The following NLGN1 variants were observed in gnomAD, a reference collection of about 807,000 sequenced individuals.
The protein encoded by NLGN1 is neuroligin-1.
Under a neutral mutation model 65.5 loss-of-function variants are expected in NLGN1, and 12 were observed. The ratio of observed to expected loss-of-function variants is 0.18; its 90% confidence interval spans 0.12 to 0.30. The LOEUF is 0.30. Among genes scored for constraint, NLGN1 ranks in the 10% least tolerant of loss-of-function variants. The pLI is 1.00. For synonymous variants in NLGN1, 350 were observed against 359.5 expected, an observed-to-expected ratio of 0.97 and a Z score of 0.30; for missense variants, 750 against 1,007.1, an observed-to-expected ratio of 0.74 and a Z score of 3.46.
intron 3 of NLGN1, among the ~76,000 whole-genome samples, chr3:173,740,619 TA>T: frequency 6.6e-6 from 1 of 150,406 alleles, no homozygotes; most frequent in East Asian, 2.0e-4. Flanking sequence ...AAGAAAGGAG[TA>T]AAAAAAATTA....
At chr3:173,972,106 G>A (rs1410065098) in intron 4 of NLGN1, among the ~76,000 whole-genome samples, 2 of 152,080 alleles carry the variant, frequency 1.3e-5, no homozygotes, top group Non-Finnish European at 2.9e-5. Context: ...GGGGCATAAA[G>A]CCTCTTAAAA....
intron 4 of NLGN1, among the ~76,000 whole-genome samples, chr3:174,083,487 A>T (rs967052324): frequency 2.0e-5 from 3 of 152,210 alleles, no homozygotes; most frequent in Non-Finnish European, 4.4e-5. Flanking sequence ...ACAACCTAAT[A>T]TTCAGTGTTC....
intron 2 of NLGN1, among the ~76,000 whole-genome samples, chr3:173,583,705 G>T (rs2149370667): frequency 6.6e-6 from 1 of 152,270 alleles, no homozygotes; most frequent in Non-Finnish European, 1.5e-5. Flanking sequence ...TGTCGGAAAT[G>T]CTAGGGGTAA....
At chr3:173,858,935 G>A (rs971104609) in intron 4 of NLGN1, among the ~76,000 whole-genome samples, 1 of 152,008 alleles carries the variant, frequency 6.6e-6, no homozygotes, top group Non-Finnish European at 1.5e-5. Flanking sequence ...AGTTTGAAAT[G>A]CCTGTACAGC....
intron 1 of NLGN1, among the ~76,000 whole-genome samples, chr3:173,410,794 A>T (rs1463223298): frequency 6.6e-6 from 1 of 152,246 alleles, no homozygotes; most frequent in East Asian, 1.9e-4. Context: ...TTTTAATCAC[A>T]CATAAAAAAA....
rs191885890 is a variant in NLGN1, at chr3:173,734,983, G to T, written c.494-72697G>T. On this transcript the variant is annotated intron_variant, in intron 3 of 6. Coordinates refer to ENST00000457714, the Ensembl canonical transcript of NLGN1. ...GTGGCACAACATTCTTCTCTGCAAA[G>T]GTTTTTCTTTTTCCTTTAAGAATTA... Among the ~76,000 whole-genome samples the T allele has an allele frequency of 3.9e-4, 59 of 152,062 alleles. No individual in the cohort carries two copies. The East Asian group carries it at 4.7e-3, about 12-fold the overall frequency.
chr3:173,849,177 T>C (rs923881374), intron 4 of NLGN1, among the ~76,000 whole-genome samples: 1 of 152,114 alleles, frequency 6.6e-6, no homozygotes, highest in Non-Finnish European at 1.5e-5. Flanking sequence ...GGGGGTAGTG[T>C]TATATCTTTT....
chr3:173,693,365 G>GC (rs1765745320), intron 3 of NLGN1, among the ~76,000 whole-genome samples: 1 of 152,008 alleles, frequency 6.6e-6, no homozygotes, highest in Non-Finnish European at 1.5e-5. Flanking sequence ...CATGAATAGG[G>GC]AGGTAGCATA....
At chr3:174,100,800 T>C (rs945596535) in intron 4 of NLGN1, among the ~76,000 whole-genome samples, 16 of 152,054 alleles carry the variant, frequency 1.1e-4, no homozygotes, top group African/African-American at 3.4e-4. Context: ...CCCTTCTAAG[T>C]AAAGTGACCA....
At chr3:173,519,477 A>T (rs1234792937) in intron 2 of NLGN1, among the ~76,000 whole-genome samples, 3 of 152,278 alleles carry the variant, frequency 2.0e-5, no homozygotes, top group Admixed American at 1.3e-4. Context: ...AAAGCCACAG[A>T]GGCAGAGCTG....
At chr3:173,993,573 AG>A (rs1721585725) in intron 4 of NLGN1, among the ~76,000 whole-genome samples, 1 of 152,094 alleles carries the variant, frequency 6.6e-6, no homozygotes, top group Non-Finnish European at 1.5e-5. Flanking sequence ...ATGGAGTTGC[AG>A]GTCCCAGACA....
intron 3 of NLGN1, among the ~76,000 whole-genome samples, chr3:173,790,086 A>G (rs1367118398): frequency 2.0e-5 from 3 of 151,924 alleles, no homozygotes; most frequent in African/African-American, 4.8e-5. Flanking sequence ...TTTCTTCATC[A>G]TGGTACCTTA....
intron 4 of NLGN1, among the ~76,000 whole-genome samples, chr3:174,068,225 T>C (rs564648479): frequency 5.1e-4 from 77 of 152,076 alleles, no homozygotes; most frequent in Admixed American, 3.0e-3. Flanking sequence ...TCTAATATCT[T>C]GAGGACACAT....
intron 4 of NLGN1, among the ~76,000 whole-genome samples, chr3:173,827,836 A>G (rs1721675619): frequency 6.6e-6 from 1 of 151,964 alleles, no homozygotes; most frequent in Admixed American, 6.6e-5. Context: ...AGAGCAGAAA[A>G]TAGATGTTCC....
At chr3:173,885,174 G>A (rs1303398736) in intron 4 of NLGN1, among the ~76,000 whole-genome samples, 1 of 152,020 alleles carries the variant, frequency 6.6e-6, no homozygotes, top group East Asian at 1.9e-4. Flanking sequence ...CTTTAATCTA[G>A]CAAATATTGA....
At chr3:173,535,693 A>G (rs1352154932) in intron 2 of NLGN1, among the ~76,000 whole-genome samples, 1 of 152,218 alleles carries the variant, frequency 6.6e-6, no homozygotes, top group Admixed American at 6.5e-5. Context: ...CCCACTTTTA[A>G]TAATGGATTT....
At chr3:174,074,074 G>T (rs1344869927) in intron 4 of NLGN1, among the ~76,000 whole-genome samples, 1 of 152,136 alleles carries the variant, frequency 6.6e-6, no homozygotes, top group Non-Finnish European at 1.5e-5. Context: ...GCACTGAAAA[G>T]CTTGGGAATA....
chr3:174,107,844 A>G (rs1455219717), intron 4 of NLGN1, among the ~76,000 whole-genome samples: 1 of 152,154 alleles, frequency 6.6e-6, no homozygotes, highest in Non-Finnish European at 1.5e-5. Flanking sequence ...GGGAATAGTG[A>G]CATCTCATTG....
intron 4 of NLGN1, among the ~76,000 whole-genome samples, chr3:173,929,378 A>G (rs1040195018): frequency 5.9e-5 from 9 of 152,028 alleles, no homozygotes; most frequent in African/African-American, 1.9e-4. Flanking sequence ...TCTTGAAAAT[A>G]ACCAGCTAAG....
Sources: allele counts gnomAD v4.1 joint callset (sites outside exome capture counted in the v4.1 genomes callset), GRCh38; gene constraint gnomAD v4.1.1; transcripts MANE v1.5; gene names NCBI Gene and HGNC (gene_info 2026-07-23, HGNC 2026-07-21).